The following TMCO4 variants were observed in gnomAD, a reference collection of about 807,000 sequenced individuals.
TMCO4 encodes transmembrane and coiled-coil domains 4.
In TMCO4, 58 loss-of-function variants were observed where a neutral mutation model predicts 64.7. The observed-to-expected ratio is 0.90, with a 90% CI of 0.73 to 1.12. The LOEUF is 1.12. Among genes scored for constraint, TMCO4 ranks in the 50% most tolerant of loss-of-function variants. The pLI is 0.00. For missense variants in TMCO4, 780 were observed against 825.9 expected, an observed-to-expected ratio of 0.94 and a Z score of 0.68; for synonymous variants, 325 against 346.1, an observed-to-expected ratio of 0.94 and a Z score of 0.68.
chr1:19,697,497 G>A (rs979052364), intron 14 of TMCO4, among the ~76,000 whole-genome samples: 6 of 151,566 alleles, frequency 4.0e-5, no homozygotes, highest in Admixed American at 6.6e-5. Flanking sequence ...GCAGTGGCAC[G>A]ATCTTGGCTC....
rs1557459641 is a variant in TMCO4 at position 19,694,449 on chromosome 1, C to T, written c.1485G>A (p.Val495=). ...CGACACTCACCACAGAGGTCAGGTC[C>T]ACGTTCTCCACCCTCCTGTCCTGCA... is the stretch of plus-strand genomic sequence containing the variant. The part of the protein sequence containing the change: ...VLLQDRRVEN[V]DLTSVVSGHL... Residue 495 remains valine, a synonymous_variant, in exon 15 of 16, where the codon GTG becomes GTA. Transcript: ENST00000294543. 1.2e-6 allele frequency: 2 copies of T among 1,614,010 alleles called. No individual in the cohort carries two copies. Among genetic ancestry groups the T allele is most frequent in the East Asian group, 2.2e-5 (1 of 44,882 alleles).
At position 19,688,258 on chromosome 1, in the gene TMCO4, G is replaced by A. The variant is rs536360635; in HGVS notation, c.1501-4814C>T. Among the ~76,000 whole-genome samples, 605 of 152,302 alleles carry A rather than the reference G, an allele frequency of 4.0e-3. 5 individuals carry two copies. Among genetic ancestry groups the A allele is most frequent in the African/African-American group, 0.014 (585 of 41,572 alleles). On this transcript the variant is annotated intron_variant, in intron 15 of 15. Coordinates refer to ENST00000294543, the MANE Select transcript of TMCO4 (RefSeq NM_181719.7). ...CTGATAAACTGAGCGCAGGGGAGCA[G>A]AGACCACTTCTCACTCACCTCTGTG... is the stretch of plus-strand genomic sequence containing the variant.
At chr1:19,764,937 C>T (rs759453370) in intron 6 of TMCO4, among the ~76,000 whole-genome samples, 2 of 151,764 alleles carry the variant, frequency 1.3e-5, no homozygotes, top group Non-Finnish European at 2.9e-5. Context: ...AGACTAACAC[C>T]TCAAGTCTTT....
intron 7 of TMCO4, 64 bp from the exon 8 acceptor site, chr1:19,747,324 C>A (rs891941741): frequency 2.2e-5 from 31 of 1,392,030 alleles, no homozygotes; most frequent in Non-Finnish European, 7.1e-6. Flanking sequence ...ACATCCCCAC[C>A]ACACCAACCC....
At chr1:19,756,545 A>C (rs1036013748) in intron 6 of TMCO4, among the ~76,000 whole-genome samples, 1 of 152,250 alleles carries the variant, frequency 6.6e-6, no homozygotes, top group African/African-American at 2.4e-5. Context: ...TTATAATATG[A>C]AATTGGAAAC....
At chr1:19,729,281 C>T (rs1048688979) in intron 13 of TMCO4, among the ~76,000 whole-genome samples, 24 of 151,886 alleles carry the variant, frequency 1.6e-4, no homozygotes, top group African/African-American at 3.6e-4. Context: ...TGCCAAGTAG[C>T]GGGGAATACA....
rs570469569 is a variant in TMCO4, at chr1:19,716,796, C to T, written c.1265-15911G>A. Reference sequence around the variant, plus strand: ...GCCCGACCTGAAAATGGTACTTCATCCTTCTCTTGGTGCAGTTCAACAGGT... The same window carrying T: ...GCCCGACCTGAAAATGGTACTTCATTCTTCTCTTGGTGCAGTTCAACAGGT... On this transcript the variant is annotated intron_variant, in intron 13 of 15. Transcript: ENST00000294543. Among the ~76,000 whole-genome samples the T allele has an allele frequency of 1.7e-3, 254 of 152,292 alleles. No homozygotes were observed. The Middle Eastern group carries it at 0.017, about 10-fold the overall frequency.
chr1:19,716,038 C>A (rs1026359341), intron 13 of TMCO4, among the ~76,000 whole-genome samples: 2 of 152,028 alleles, frequency 1.3e-5, no homozygotes, highest in African/African-American at 2.4e-5. Flanking sequence ...AGGGACAGGC[C>A]GGGTGCACTG....
chr1:19,739,516 G>A (rs570827926), intron 12 of TMCO4, among the ~76,000 whole-genome samples: 11 of 152,348 alleles, frequency 7.2e-5, no homozygotes, highest in Admixed American at 7.2e-4. Context: ...ACACTTGAAT[G>A]AAGAGCTGAT....
intron 2 of TMCO4, among the ~76,000 whole-genome samples, chr1:19,796,963 A>G (rs1045449892): frequency 3.9e-5 from 6 of 152,240 alleles, no homozygotes; most frequent in African/African-American, 7.2e-5. Context: ...AAGCTCAGAA[A>G]GGCAGTGGCT....
intron 13 of TMCO4, among the ~76,000 whole-genome samples, chr1:19,735,336 G>C (rs2095449132): frequency 1.3e-5 from 2 of 152,184 alleles, no homozygotes; most frequent in African/African-American, 4.8e-5. Context: ...GCCCAGAGAG[G>C]TTAAGTGACT....
intron 14 of TMCO4, among the ~76,000 whole-genome samples, chr1:19,696,125 T>C (rs2095235078): frequency 6.6e-6 from 1 of 152,194 alleles, no homozygotes; most frequent in African/African-American, 2.4e-5. Context: ...TGTGCTCCCT[T>C]ATAAGCAGAC....
At chr1:19,724,469 C>T (rs1194179819) in intron 13 of TMCO4, among the ~76,000 whole-genome samples, 1 of 152,130 alleles carries the variant, frequency 6.6e-6, no homozygotes, top group Non-Finnish European at 1.5e-5. Flanking sequence ...CCATCAATCT[C>T]CTTATAGGCA....
intron 7 of TMCO4, among the ~76,000 whole-genome samples, chr1:19,748,462 C>T (rs2041885955): frequency 6.6e-6 from 1 of 152,212 alleles, no homozygotes; most frequent in South Asian, 2.1e-4. Context: ...GTACCTGTTT[C>T]CTTCCCATCT....
chr1:19,781,463 TA>T (rs34207516), intron 3 of TMCO4, among the ~76,000 whole-genome samples: 177 of 140,116 alleles, frequency 1.3e-3, no homozygotes, highest in Non-Finnish European at 1.2e-3. Flanking sequence ...CCCTGTCTCT[TA>T]AAAAAAAAAA....
intron 7 of TMCO4, among the ~76,000 whole-genome samples, chr1:19,751,784 C>T (rs1235691466): frequency 6.6e-6 from 1 of 152,100 alleles, no homozygotes; most frequent in Non-Finnish European, 1.5e-5. Context: ...CGTGGTGGCT[C>T]GCGCCTGTGG....
chr1:19,746,934 A>C lies in TMCO4; in HGVS notation c.613+229T>G, dbSNP rs541784405. Among the ~76,000 whole-genome samples, 57 of 149,056 alleles carry C rather than the reference A, an allele frequency of 3.8e-4. 1 individual carries two copies. The highest frequency in any genetic ancestry group is 1.4e-3 in the African/African-American group (56 of 39,030). On this transcript the variant is annotated intron_variant, in intron 8 of 15. Transcript: ENST00000294543. ...GCAAGATACTGTCTCAAAAAAAAAA[A>C]AAAAAAAAAAACGTGGCTTGATGAG... is the stretch of plus-strand genomic sequence containing the variant.
chr1:19,688,252 G>A (rs958187943), intron 15 of TMCO4, among the ~76,000 whole-genome samples: 1 of 152,138 alleles, frequency 6.6e-6, no homozygotes, highest in African/African-American at 2.4e-5. Flanking sequence ...TGAGCGCAGG[G>A]GAGCAGAGAC....
rs376380521 is a variant in TMCO4 at position 19,794,254 on chromosome 1, C to T, written c.-101+3883G>A. 8.5e-5 allele frequency among the ~76,000 whole-genome samples: 13 copies of T among 152,206 alleles called. No homozygotes were observed. In the East Asian group the frequency reaches 1.7e-3, roughly 20 times the overall value. The stretch of plus-strand genomic sequence containing the variant: ...CTCACACTTCAGTGCAGCCACCCTA[C>T]CCACTGCCCATCCTAGCCCCTTAAC... On this transcript the variant is annotated intron_variant, in intron 2 of 15. Transcript: ENST00000294543.
Sources: allele counts gnomAD v4.1 joint callset (sites outside exome capture counted in the v4.1 genomes callset), GRCh38; gene constraint gnomAD v4.1.1; transcripts MANE v1.5; gene names NCBI Gene and HGNC (gene_info 2026-07-23, HGNC 2026-07-21).